POGLUT2: variants seen among roughly 807,000 people sequenced by gnomAD.
POGLUT2 encodes the protein ER protein 58.
POGLUT2 carries 47 observed loss-of-function variants against 57.6 expected under a neutral mutation model. The observed-to-expected ratio is 0.82, with a 90% CI of 0.65 to 1.04. POGLUT2 has a LOEUF of 1.04. Ranked by LOEUF, POGLUT2 falls within the 50% of genes least tolerant of loss-of-function variation. The pLI is 0.00. For missense variants in POGLUT2, 565 were observed against 614.8 expected (o/e 0.92, Z 0.86); for synonymous variants, 200 against 218.8 (o/e 0.91, Z 0.76).
intron 4 of POGLUT2, among the ~76,000 whole-genome samples, chr13:102,791,691 G>C (rs1280053038): frequency 1.3e-5 from 2 of 152,196 alleles, no homozygotes; most frequent in South Asian, 4.1e-4. Context: ...GATGATCAAA[G>C]AGAAGGAGAA....
intron 1 of POGLUT2, 55 bp downstream of exon 1, chr13:102,798,434 G>A (rs1199696901): frequency 6.8e-7 from 1 of 1,465,368 alleles, no homozygotes; most frequent in Non-Finnish European, 9.2e-7. Flanking sequence ...ATCTTAAAGG[G>A]AGAAACAGAT....
Position 102,791,312 on chromosome 13 carries a change from T to C in POGLUT2, c.791A>G (p.Asp264Gly), listed in dbSNP as rs759207382. Residue 264 changes from aspartate (D) to glycine (G), a missense_variant, in exon 5 of 10, where the codon GAT becomes GGT. Coordinates refer to ENST00000376004, the MANE Select transcript of POGLUT2 (RefSeq NM_024089.3). ...FSWCGSTDSK[D>G]IVMPTYDLTD... ...CAAATCGTACGTAGGCATCACGATA[T>C]CCTTGGAATCTGTGGAGCCACACCA... is the stretch of plus-strand genomic sequence containing the variant. 6.2e-7 allele frequency: 1 copy of C among 1,610,574 alleles called. No homozygotes were observed. Among genetic ancestry groups the C allele is most frequent in the East Asian group, 2.2e-5 (1 of 44,870 alleles).
In POGLUT2 at chr13:102,787,886, C is replaced by T. The variant is rs748953821; in HGVS notation, c.1331G>A (p.Arg444Lys). 2 of 1,591,752 alleles carry T rather than the reference C, an allele frequency of 1.3e-6. No individual in the cohort carries two copies. Among genetic ancestry groups the T allele is most frequent in the South Asian group, 2.3e-5 (2 of 88,494 alleles). ...TATGTCATCGCCCATGAGATTATTT[C>T]TTGCAAATTCTTGTCCTGCTTTTGC... ...KIAKAGQEFA[R>K]NNLMGDDIFC... Residue 444 changes from arginine to lysine, a missense_variant, in exon 8 of 10, where the codon AGA (arginine) becomes AAA (lysine). Transcript: ENST00000376004.
intron 3 of POGLUT2, 76 bp downstream of exon 3, chr13:102,793,525 T>C (rs528476532): frequency 1.7e-4 from 233 of 1,391,252 alleles, no homozygotes; most frequent in Non-Finnish European, 2.3e-4. Context: ...TAAAATGATT[T>C]AGCTAATTGT....
At position 102,789,216 on chromosome 13, in the gene POGLUT2, C is replaced by T. The variant is rs765082552; in HGVS notation, c.1089G>A (p.Lys363=). The T allele has an allele frequency of 2.5e-6, 4 of 1,613,280 alleles. No homozygotes were observed. The highest frequency in any genetic ancestry group is 1.3e-5 in the African/African-American group (1 of 74,904). ...HISFFDFFKH[K]YQINIDGTVA... ...CAGTGCCATCGATATTTATTTGATA[C>T]TTATGCTGCAAAACAATGGTAAAGT... The change falls in exon 7 of 10, where the codon AAG becomes AAA. Residue 363 remains lysine (K), a synonymous_variant. Coordinates refer to ENST00000376004, the MANE Select transcript of POGLUT2 (RefSeq NM_024089.3).
intron 8 of POGLUT2, among the ~76,000 whole-genome samples, chr13:102,786,978 T>A (rs1379701693): frequency 6.6e-6 from 1 of 152,064 alleles, no homozygotes; most frequent in Non-Finnish European, 1.5e-5. Context: ...GAGATAAAAC[T>A]CTTACTCTAG....
At chr13:102,788,771 C>T (rs762566018) in intron 7 of POGLUT2, among the ~76,000 whole-genome samples, 4 of 152,216 alleles carry the variant, frequency 2.6e-5, no homozygotes, top group African/African-American at 7.2e-5. Flanking sequence ...CAGGCACGAG[C>T]CACCGCACCC....
In POGLUT2 at chr13:102,793,627, A is replaced by G. The variant is rs750428332; in HGVS notation, c.568T>C (p.Cys190Arg). 15 of 1,614,054 alleles carry G rather than the reference A, an allele frequency of 9.3e-6. No individual in the cohort carries two copies. Among genetic ancestry groups the G allele is most frequent in the Non-Finnish European group, 1.3e-5 (15 of 1,179,942 alleles). Residue 190 changes from cysteine to arginine, a missense_variant, in exon 3 of 10, where the codon TGT becomes CGT. Physicochemically the swap from Cys to Arg is radical, Grantham distance 180 (BLOSUM62 -3). Transcript: ENST00000376004. ...TTGTTATCCTTTAAGGTGTAGTGAC[A>G]TAGGCTCTGCCTCTGTCCAAATCTT... ...PKRFGQRQSL[C>R]HYTLKDNKVY... is the part of the protein sequence containing the mutation.
At position 102,790,924 on chromosome 13, in the gene POGLUT2, T is replaced by C; in HGVS notation, c.1060A>G (p.Ile354Val). The change falls in exon 6 of 10, where the codon ATT becomes GTT. Residue 354 changes from isoleucine (I) to valine (V), a missense_variant. Ile to Val is a conservative substitution (Grantham distance 29). Coordinates refer to ENST00000376004, the MANE Select transcript of POGLUT2 (RefSeq NM_024089.3). ...ENLYGPIVKH[I>V]SFFDFFKHKY... The stretch of plus-strand genomic sequence containing the variant: ...ACCTTGAAGAAATCAAAAAATGAAA[T>C]ATGTTTCACAATGGGACCATACAGG... 6.2e-7 allele frequency: 1 copy of C among 1,609,294 alleles called. No individual in the cohort carries two copies. Among genetic ancestry groups the C allele is most frequent in the East Asian group, 2.2e-5 (1 of 44,856 alleles).
chr13:102,797,026 A>G lies in POGLUT2; in HGVS notation c.183-17T>C. 1 of 1,576,410 alleles carries G rather than the reference A, an allele frequency of 6.3e-7. No homozygotes were observed. Among genetic ancestry groups the G allele is most frequent in the Non-Finnish European group, 8.7e-7 (1 of 1,147,972 alleles). ...GATGTGAATCTGTGATGAAAAGGCA[A>G]TGGGGGAGATAAACAGATTTTAACG... On this transcript the variant is annotated splice_polypyrimidine_tract_variant and intron_variant, in intron 1 of 9. Coordinates refer to ENST00000376004, the MANE Select transcript of POGLUT2 (RefSeq NM_024089.3).
chr13:102,796,850 A>C lies in POGLUT2; in HGVS notation c.342T>G (p.Ile114Met), dbSNP rs1237877913. ...YASYKNLKVE[I>M]KFQGQHVAKS... Reference sequence around the variant, plus strand: ...TGGCCACATGTTGCCCTTGGAATTTAATTTCCACCTTCAGATTTTTGTAGC... The same window carrying C: ...TGGCCACATGTTGCCCTTGGAATTTCATTTCCACCTTCAGATTTTTGTAGC... The change falls in exon 2 of 10, where the codon ATT becomes ATG. Residue 114 changes from isoleucine to methionine, a missense_variant. Coordinates refer to ENST00000376004, the MANE Select transcript of POGLUT2 (RefSeq NM_024089.3). The C allele has an allele frequency of 2.5e-6, 4 of 1,609,376 alleles. No individual in the cohort carries two copies. The highest frequency in any genetic ancestry group is 3.4e-6 in the Non-Finnish European group (4 of 1,176,116).
At chr13:102,786,394 A>G in intron 8 of POGLUT2, 55 bp from the exon 9 acceptor site, 1 of 1,068,650 alleles carries the variant, frequency 9.4e-7, no homozygotes. Context: ...TATCCACCCA[A>G]TGAGAGAGGC....
In POGLUT2 at chr13:102,798,866, C is replaced by T; in HGVS notation, c.-196G>A. The T allele has an allele frequency of 2.0e-6, 1 of 504,072 alleles. No homozygotes were observed. Among genetic ancestry groups the T allele is most frequent in the Non-Finnish European group, 3.4e-6 (1 of 293,638 alleles). The allele number at this position is 504,072 out of a possible 1,614,324, so 31.2% of individuals were successfully genotyped here. On this transcript the variant is annotated 5_prime_UTR_variant, in exon 1 of 10. Transcript: ENST00000376004. The stretch of plus-strand genomic sequence containing the variant: ...GACAATCAAAGCCCGTGCCCCGGCG[C>T]GCCCAGGTGAGGGTCCCCTGGCGTT...
intron 7 of POGLUT2, 98 bp from the exon 8 acceptor site, chr13:102,788,021 C>T (rs1878020437): frequency 6.6e-6 from 4 of 609,550 alleles, no homozygotes; most frequent in East Asian, 2.6e-5. Context: ...ATTGGGGCAA[C>T]TGTGGGAAAT....
intron 7 of POGLUT2, among the ~76,000 whole-genome samples, chr13:102,788,532 G>T (rs1878041917): frequency 6.6e-6 from 1 of 152,170 alleles, no homozygotes; most frequent in Non-Finnish European, 1.5e-5. Flanking sequence ...TGTTGCCCAG[G>T]CTGGAGTGCA....
At chr13:102,796,293 C>CAAAAAAAA (rs151064207) in intron 2 of POGLUT2, among the ~76,000 whole-genome samples, 102 of 100,532 alleles carry the variant, frequency 1.0e-3, no homozygotes, top group Middle Eastern at 6.0e-3. Context: ...GACTCTGCCT[C>CAAAAAAAA]AAAAAAAAAA....
Position 102,798,489 on chromosome 13 carries a change from T to C in POGLUT2, c.182A>G (p.Lys61Arg), listed in dbSNP as rs890074811. 6.3e-6 allele frequency: 10 copies of C among 1,581,418 alleles called. No individual in the cohort carries two copies. The highest frequency in any genetic ancestry group is 1.7e-4 in the Middle Eastern group (1 of 5,924). Residue 61 changes from lysine to arginine, a missense_variant and splice_region_variant, in exon 1 of 10, where the codon AAA becomes AGA. Coordinates refer to ENST00000376004, the MANE Select transcript of POGLUT2 (RefSeq NM_024089.3). The part of the protein sequence containing the change: ...YIQAVDTSGN[K>R]FTSSPGEKVF... Reference sequence around the variant, plus strand: ...GGTAAGGAGCCGTTTCTCGACTTACTTATTCCCTGATGTATCCACTGCCTG... The same window carrying C: ...GGTAAGGAGCCGTTTCTCGACTTACCTATTCCCTGATGTATCCACTGCCTG...
At chr13:102,785,103 G>T (rs947626516) in intron 9 of POGLUT2, among the ~76,000 whole-genome samples, 2 of 152,204 alleles carry the variant, frequency 1.3e-5, no homozygotes, top group African/African-American at 4.8e-5. Context: ...CAGTTGGTTA[G>T]TGGTTAATGA....
chr13:102,796,728 A>C, intron 2 of POGLUT2, 76 bp downstream of exon 2: 2 of 526,670 alleles, frequency 3.8e-6, no homozygotes, highest in Non-Finnish European at 3.3e-6. Context: ...ATATCATGCC[A>C]AGTTGTTTTT....
Sources: allele counts gnomAD v4.1 joint callset (sites outside exome capture counted in the v4.1 genomes callset), GRCh38; gene constraint gnomAD v4.1.1; transcripts MANE v1.5; gene names NCBI Gene and HGNC (gene_info 2026-07-23, HGNC 2026-07-21).